Variants in AGBL1 observed in about 807,000 individuals in gnomAD.
The protein encoded by AGBL1 is cytosolic carboxypeptidase 4.
AGBL1 carries 130 observed loss-of-function variants against 118.9 expected under a neutral mutation model. The ratio of observed to expected loss-of-function variants is 1.09; its 90% CI spans 0.95 to 1.26. AGBL1 has a LOEUF of 1.26. AGBL1 is among the 50% of genes most tolerant of loss of function. AGBL1 has a pLI of 0.00. For synonymous variants in AGBL1, 555 were observed against 478.9 expected, an observed-to-expected ratio of 1.16 and a Z score of -2.08; for missense variants, 1,584 against 1,298.1, an observed-to-expected ratio of 1.22 and a Z score of -3.38.
chr15:86,736,120 C>T (rs62031373), intron 22 of AGBL1, among the ~76,000 whole-genome samples: 3 of 152,014 alleles, frequency 2.0e-5, no homozygotes, highest in East Asian at 1.9e-4. Flanking sequence ...TGGTGACTCT[C>T]GCCTATAATT....
chr15:86,666,770 G>T (rs1159975679), intron 21 of AGBL1, among the ~76,000 whole-genome samples: 1 of 152,154 alleles, frequency 6.6e-6, no homozygotes, highest in East Asian at 1.9e-4. Context: ...CCATGAATTA[G>T]ATATTATTAT....
chr15:86,470,808 T>C (rs1230206125), intron 18 of AGBL1, among the ~76,000 whole-genome samples: 3 of 152,092 alleles, frequency 2.0e-5, no homozygotes, highest in African/African-American at 4.8e-5. Context: ...GATTGTTTGA[T>C]TGATTTTGGG....
intron 23 of AGBL1, among the ~76,000 whole-genome samples, chr15:86,925,190 A>AG (rs1567243029): frequency 4.3e-4 from 58 of 134,218 alleles, no homozygotes; most frequent in African/African-American, 1.4e-3. Flanking sequence ...GAAGAGGAAG[A>AG]AAAGAAGAAA....
intron 20 of AGBL1, among the ~76,000 whole-genome samples, chr15:86,547,280 A>G (rs978663361): frequency 6.6e-6 from 1 of 152,140 alleles, no homozygotes; most frequent in Non-Finnish European, 1.5e-5. Flanking sequence ...ATATAAAATG[A>G]TCTCTTATAT....
chr15:86,535,712 C>T (rs2083416712), intron 19 of AGBL1, among the ~76,000 whole-genome samples: 1 of 152,080 alleles, frequency 6.6e-6, no homozygotes, highest in African/African-American at 2.4e-5. Context: ...AATGATTTTT[C>T]TGGTTTTATT....
At chr15:86,785,256 G>T (rs2078391149) in intron 22 of AGBL1, among the ~76,000 whole-genome samples, 1 of 151,942 alleles carries the variant, frequency 6.6e-6, no homozygotes, top group African/African-American at 2.4e-5. Context: ...TCAAGGGGAA[G>T]CATGGTCAAG....
rs570267528 is a variant in AGBL1, at chr15:86,449,529, G to A, written c.2555+51983G>A. Among the ~76,000 whole-genome samples the A allele has an allele frequency of 2.6e-5, 4 of 152,342 alleles. No homozygotes were observed. The South Asian group carries it at 6.2e-4, about 24-fold the overall frequency. On this transcript the variant is annotated intron_variant, in intron 18 of 22. Coordinates refer to ENST00000614907, the MANE Select transcript of AGBL1 (RefSeq NM_001386094.1). ...TGGTCTGCACTTAACTAGCTGTGTG[G>A]ATTCTTGGCCAAGTGGCCCAGTTTC...
Position 86,514,492 on chromosome 15 carries a change from G to A in AGBL1, c.2556-8318G>A, listed in dbSNP as rs554162127. 3.9e-5 allele frequency among the ~76,000 whole-genome samples: 6 copies of A among 152,006 alleles called. No homozygotes were observed. In the South Asian group the frequency reaches 6.2e-4, roughly 16 times the overall value. ...AGTTCAGTTCTTTTCTTCTTACTTC[G>A]TTTAGTGTTAGTCACTTGTGACAGA... On this transcript the variant is annotated intron_variant, in intron 18 of 22. Transcript: ENST00000614907.
intron 22 of AGBL1, among the ~76,000 whole-genome samples, chr15:86,807,035 A>G (rs1186368575): frequency 1.3e-5 from 2 of 152,114 alleles, no homozygotes; most frequent in Non-Finnish European, 1.5e-5. Context: ...CCTGAGGAAC[A>G]TTCCAAATAA....
intron 21 of AGBL1, among the ~76,000 whole-genome samples, chr15:86,633,592 A>G (rs528607239): frequency 1.0e-3 from 159 of 151,966 alleles, no homozygotes; most frequent in African/African-American, 3.4e-3. Context: ...GGTTCTTTAT[A>G]TAGGTGTTTT....
chr15:86,288,350 A>G (rs1031565869), intron 16 of AGBL1, among the ~76,000 whole-genome samples: 20 of 152,150 alleles, frequency 1.3e-4, no homozygotes, highest in African/African-American at 4.8e-4. Flanking sequence ...TGATGGAGAC[A>G]TTTCCATTCT....
intron 3 of AGBL1, among the ~76,000 whole-genome samples, chr15:86,144,227 A>G (rs542169544): frequency 6.6e-6 from 1 of 152,350 alleles, no homozygotes; most frequent in Non-Finnish European, 1.5e-5. Flanking sequence ...TGGGAGTATA[A>G]GTTAGTTCCA....
At chr15:86,492,248 G>A (rs796894513) in intron 18 of AGBL1, among the ~76,000 whole-genome samples, 15 of 152,238 alleles carry the variant, frequency 9.9e-5, no homozygotes, top group Admixed American at 2.6e-4. Flanking sequence ...ACTTGTCCAC[G>A]AAGTAGGAGG....
intron 1 of AGBL1, among the ~76,000 whole-genome samples, chr15:86,140,805 G>A (rs535586983): frequency 6.6e-6 from 1 of 152,300 alleles, no homozygotes; most frequent in Non-Finnish European, 1.5e-5. Flanking sequence ...AAATGGCATG[G>A]TTTGAGCAGG....
chr15:86,781,302 G>T (rs965395200), intron 22 of AGBL1, among the ~76,000 whole-genome samples: 1 of 151,968 alleles, frequency 6.6e-6, no homozygotes, highest in Non-Finnish European at 1.5e-5. Context: ...GCCTTCCGTA[G>T]GGTTAATCAA....
chr15:86,838,899 A>G (rs1394989581), intron 22 of AGBL1, among the ~76,000 whole-genome samples: 2 of 128,930 alleles, frequency 1.6e-5, no homozygotes, highest in Non-Finnish European at 3.1e-5. Context: ...AGCTAGAGCT[A>G]TGGCCACTGC....
intron 18 of AGBL1, among the ~76,000 whole-genome samples, chr15:86,478,921 G>T (rs894582814): frequency 6.6e-6 from 1 of 151,920 alleles, no homozygotes; most frequent in Non-Finnish European, 1.5e-5. Flanking sequence ...CACTCAGAAA[G>T]AATACCACAC....
chr15:86,485,993 AGCATTG>A (rs1279677974), intron 18 of AGBL1, among the ~76,000 whole-genome samples: 6 of 151,974 alleles, frequency 3.9e-5, no homozygotes, highest in Non-Finnish European at 8.8e-5. Context: ...TAAGAGGCTG[AGCATTG>A]GCATCACCTG....
Position 86,201,425 on chromosome 15 carries a change from T to C in AGBL1, c.489-23489T>C, listed in dbSNP as rs532793670. 8.2e-4 allele frequency among the ~76,000 whole-genome samples: 125 copies of C among 152,336 alleles called. 1 individual carries two copies. The highest frequency in any genetic ancestry group is 2.1e-3 in the South Asian group (10 of 4,832). The stretch of plus-strand genomic sequence containing the variant: ...TTTAATCTAGATATAGCAAGCACAG[T>C]GTCCTGAAGCCATGTCTGAGACATT... On this transcript the variant is annotated intron_variant, in intron 5 of 22. Coordinates refer to ENST00000614907, the MANE Select transcript of AGBL1 (RefSeq NM_001386094.1).
Sources: gnomAD v4.1 joint callset for allele counts (sites outside exome capture counted in the v4.1 genomes callset) on GRCh38, gnomAD v4.1.1 for gene constraint, MANE v1.5 for transcripts, NCBI Gene and HGNC (gene_info 2026-07-23, HGNC 2026-07-21) for gene names.